The following ARHGAP26 variants were observed in gnomAD, a reference collection of about 807,000 sequenced individuals.
ARHGAP26 encodes the protein Rho GTPase activating protein 26, also known as rho GTPase-activating protein 26.
ARHGAP26 carries 38 observed loss-of-function variants against 104.8 expected under a neutral mutation model. That is an observed-to-expected ratio of 0.36 (90% confidence interval 0.28 to 0.48). ARHGAP26 has a LOEUF of 0.48. ARHGAP26 is among the 20% of genes least tolerant of loss of function. The pLI is 0.99. For synonymous variants in ARHGAP26, 341 were observed against 340.0 expected, an observed-to-expected ratio of 1.00 and a Z score of -0.03; for missense variants, 704 against 947.9, an observed-to-expected ratio of 0.74 and a Z score of 3.38.
intron 1 of ARHGAP26, among the ~76,000 whole-genome samples, chr5:142,789,043 C>T (rs570516680): frequency 2.6e-5 from 4 of 152,306 alleles, no homozygotes; most frequent in South Asian, 4.1e-4. Flanking sequence ...CTAATGCCAA[C>T]CCTTTTGCGT....
chr5:143,163,865 T>A (rs573350303), intron 20 of ARHGAP26, among the ~76,000 whole-genome samples: 39 of 152,290 alleles, frequency 2.6e-4, no homozygotes, highest in African/African-American at 8.4e-4. Context: ...CTGAGACCTC[T>A]ATGGCTCTAA....
chr5:143,162,372 A>G (rs1451143655), intron 20 of ARHGAP26, among the ~76,000 whole-genome samples: 1 of 152,032 alleles, frequency 6.6e-6, no homozygotes, highest in South Asian at 2.1e-4. Flanking sequence ...TAGAGGAAAT[A>G]TGTCCTTAGT....
intron 5 of ARHGAP26, among the ~76,000 whole-genome samples, chr5:142,885,623 AC>A (rs1264219192): frequency 6.6e-6 from 1 of 152,128 alleles, no homozygotes; most frequent in East Asian, 1.9e-4. Context: ...GGTGGAAGAC[AC>A]TGCTGGCCGA....
chr5:142,984,334 A>T (rs1049343212), intron 11 of ARHGAP26, among the ~76,000 whole-genome samples: 3 of 152,236 alleles, frequency 2.0e-5, no homozygotes, highest in African/African-American at 7.2e-5. Flanking sequence ...CAAGGGTCTG[A>T]TTAAGGAAGA....
intron 1 of ARHGAP26, among the ~76,000 whole-genome samples, chr5:142,820,834 T>C (rs942807065): frequency 6.6e-6 from 1 of 152,198 alleles, no homozygotes; most frequent in Non-Finnish European, 1.5e-5. Flanking sequence ...TCCCGGAACA[T>C]TATGAAGTGG....
At chr5:142,773,113 C>T (rs1486088872) in intron 1 of ARHGAP26, among the ~76,000 whole-genome samples, 1 of 151,978 alleles carries the variant, frequency 6.6e-6, no homozygotes, top group Non-Finnish European at 1.5e-5. Context: ...GTGGAGTCAA[C>T]CATTGTGTCC....
rs186625806 is a variant in ARHGAP26 at position 142,937,359 on chromosome 5, C to T, written c.1107+5234C>T. ...ATCTAAAACCACTATGAACTATCAC[C>T]TTCTAGAATGACTAAAATTAAAAGT... On this transcript the variant is annotated intron_variant, in intron 11 of 22. Transcript: ENST00000645722. 2.5e-3 allele frequency among the ~76,000 whole-genome samples: 377 copies of T among 152,240 alleles called. 2 individuals are homozygous for T. Among genetic ancestry groups the T allele is most frequent in the African/African-American group, 8.7e-3 (362 of 41,554 alleles).
At chr5:143,113,696 T>C (rs1381395491) in intron 17 of ARHGAP26, among the ~76,000 whole-genome samples, 1 of 152,244 alleles carries the variant, frequency 6.6e-6, no homozygotes, top group Non-Finnish European at 1.5e-5. Context: ...AAACAGTGTT[T>C]AGTCCAGTAT....
At chr5:142,998,446 T>G (rs535461171) in intron 11 of ARHGAP26, among the ~76,000 whole-genome samples, 10 of 152,296 alleles carry the variant, frequency 6.6e-5, no homozygotes, top group African/African-American at 2.4e-4. Flanking sequence ...TCCTCCACTC[T>G]GGGGAGGGGA....
intron 17 of ARHGAP26, among the ~76,000 whole-genome samples, chr5:143,092,406 C>T (rs1398159653): frequency 3.9e-5 from 6 of 152,086 alleles, no homozygotes; most frequent in Non-Finnish European, 5.9e-5. Context: ...CCTCGTGATC[C>T]GCCCACCTCG....
intron 1 of ARHGAP26, among the ~76,000 whole-genome samples, chr5:142,801,946 T>TGCGGGTCAGA (rs1163229033): frequency 2.6e-5 from 4 of 152,110 alleles, no homozygotes; most frequent in Admixed American, 2.0e-4. Flanking sequence ...CTGGAGTGGG[T>TGCGGGTCAGA]GCGGGTCAGA....
At chr5:143,205,351 C>G (rs369584797) in intron 20 of ARHGAP26, among the ~76,000 whole-genome samples, 4 of 152,102 alleles carry the variant, frequency 2.6e-5, no homozygotes, top group Non-Finnish European at 5.9e-5. Context: ...GAGTCATACT[C>G]TTTACATTTT....
chr5:143,129,098 G>C (rs1296241696), intron 18 of ARHGAP26, among the ~76,000 whole-genome samples: 2 of 152,196 alleles, frequency 1.3e-5, no homozygotes, highest in Non-Finnish European at 2.9e-5. Context: ...TGGGCCAGAG[G>C]GGGAATCAGT....
In ARHGAP26 at chr5:142,962,985, G is replaced by T. The variant is rs114959473; in HGVS notation, c.1107+30860G>T. Among the ~76,000 whole-genome samples the T allele has an allele frequency of 6.9e-3, 1,047 of 151,668 alleles. 13 individuals are homozygous for T. Among genetic ancestry groups the T allele is most frequent in the African/African-American group, 0.023 (944 of 41,262 alleles). ...CACTCTCAAGTAGGCTCCAGTGTCT[G>T]TTGTTCCCCTCTGCGTTCATGAGTT... On this transcript the variant is annotated intron_variant, in intron 11 of 22. Coordinates refer to ENST00000645722, the MANE Select transcript of ARHGAP26 (RefSeq NM_001135608.3).
intron 11 of ARHGAP26, among the ~76,000 whole-genome samples, chr5:142,970,895 G>A (rs1772167968): frequency 6.6e-6 from 1 of 152,190 alleles, no homozygotes; most frequent in Non-Finnish European, 1.5e-5. Flanking sequence ...TAATGAATGA[G>A]TCAATGAATC....
intron 20 of ARHGAP26, among the ~76,000 whole-genome samples, chr5:143,172,395 G>C (rs896037919): frequency 6.6e-6 from 1 of 152,102 alleles, no homozygotes; most frequent in African/African-American, 2.4e-5. Flanking sequence ...TCATAAAACT[G>C]TCCTGAGCCA....
At chr5:143,022,462 G>A (rs1030573505) in intron 12 of ARHGAP26, among the ~76,000 whole-genome samples, 3 of 152,134 alleles carry the variant, frequency 2.0e-5, no homozygotes, top group Admixed American at 6.6e-5. Context: ...TATTTTTATA[G>A]GAGTATTCAA....
In ARHGAP26 at chr5:142,790,049, A is replaced by G. The variant is rs568379249; in HGVS notation, c.154+19134A>G. On this transcript the variant is annotated intron_variant, in intron 1 of 22. Transcript: ENST00000645722. ...CAAATGTTTATTGTACTCTAGCTGT[A>G]TGGTAGGCATTGTTGTAGTGTTGAG... Among the ~76,000 whole-genome samples, 90 of 152,332 alleles carry G rather than the reference A, an allele frequency of 5.9e-4. 1 individual carries two copies. Among genetic ancestry groups the G allele is most frequent in the Non-Finnish European group, 1.2e-3 (79 of 68,034 alleles).
At chr5:143,122,630 T>G (rs778665467) in intron 18 of ARHGAP26, among the ~76,000 whole-genome samples, 1 of 152,212 alleles carries the variant, frequency 6.6e-6, no homozygotes, top group African/African-American at 2.4e-5. Context: ...GGAGGTTGGC[T>G]TTATAGACAG....
Sources: allele counts gnomAD v4.1 joint callset (sites outside exome capture counted in the v4.1 genomes callset), GRCh38; gene constraint gnomAD v4.1.1; transcripts MANE v1.5; gene names NCBI Gene and HGNC (gene_info 2026-07-23, HGNC 2026-07-21).